Variants in REPS2 observed in about 807,000 individuals in gnomAD.
REPS2 encodes the protein ralBP1-associated Eps domain-containing protein 2.
REPS2 carries 23 observed loss-of-function variants against 53.6 expected under a neutral mutation model. That is an observed-to-expected ratio of 0.43 (90% CI 0.31 to 0.61). The LOEUF is 0.61. REPS2 is among the 20% of genes least tolerant of loss of function. REPS2 has a pLI of 0.11. For synonymous variants in REPS2, 238 were observed against 218.6 expected, an observed-to-expected ratio of 1.09 and a Z score of -0.78; for missense variants, 446 against 534.9, an observed-to-expected ratio of 0.83 and a Z score of 1.64.
rs188748092 is a variant in REPS2 at position 17,081,407 on chromosome X, C to T, written c.1516+4000C>T. Among the ~76,000 whole-genome samples, 149 of 112,420 alleles carry T rather than the reference C, an allele frequency of 1.3e-3. 1 individual carries two copies. In the Admixed American group the frequency reaches 0.014, roughly 10 times the overall value. On this transcript the variant is annotated intron_variant, in intron 13 of 17. Coordinates refer to ENST00000357277, the MANE Select transcript of REPS2 (RefSeq NM_004726.3). ...AACCAATGGAAGGAGAGTCCACAGA[C>T]TCTTGGTGTAGGATTCAAGCAGCAT...
chrX:17,170,587 A>G, the REPS2 span, among the ~76,000 whole-genome samples: 1 of 112,536 alleles, frequency 8.9e-6, no homozygotes, highest in East Asian at 2.8e-4. Flanking sequence ...TCTGGGATAC[A>G]TTGTTCCTTT....
chrX:17,070,254 C>G (rs1445343149), intron 11 of REPS2, among the ~76,000 whole-genome samples: 4 of 111,794 alleles, frequency 3.6e-5, no homozygotes, highest in African/African-American at 1.3e-4. Context: ...AATATAGGGT[C>G]TTGTTACTAA....
intron 13 of REPS2, among the ~76,000 whole-genome samples, chrX:17,083,013 A>G (rs1311348454): frequency 9.2e-6 from 1 of 108,915 alleles, no homozygotes; most frequent in Non-Finnish European, 1.9e-5. Context: ...TATTCAGGGT[A>G]TCTTTATGAC....
At chrX:17,098,310 T>C (rs754783275) in intron 13 of REPS2, among the ~76,000 whole-genome samples, 1 of 112,284 alleles carries the variant, frequency 8.9e-6, no homozygotes, top group Admixed American at 9.4e-5. Context: ...ACAGCTCTGA[T>C]TAAAATCCAA....
chrX:17,176,298 A>T, the REPS2 span, among the ~76,000 whole-genome samples: 7 of 111,262 alleles, frequency 6.3e-5, no homozygotes, highest in Non-Finnish European at 1.1e-4. Flanking sequence ...ACAATCCTCA[A>T]CTGGCTTTTA....
rs138078866 is a variant in REPS2 at position 17,031,774 on chromosome X, C to T, written c.771+2151C>T. On this transcript the variant is annotated intron_variant, in intron 5 of 17. Coordinates refer to ENST00000357277, the MANE Select transcript of REPS2 (RefSeq NM_004726.3). ...TTATCCAGGTGACAGGGTGGGAGTG[C>T]GGGAGCAAGGTGACAAGATGGAGGG... Among the ~76,000 whole-genome samples, 885 of 111,386 alleles carry T rather than the reference C, an allele frequency of 7.9e-3. 13 individuals are homozygous for T. Among genetic ancestry groups the T allele is most frequent in the African/African-American group, 0.028 (856 of 30,657 alleles).
chrX:16,955,153 G>T (rs1035914601), intron 1 of REPS2, among the ~76,000 whole-genome samples: 1 of 110,824 alleles, frequency 9.0e-6, no homozygotes, highest in Non-Finnish European at 1.9e-5. Context: ...CCTTTCCAGG[G>T]TTTTTCAAAC....
At chrX:17,012,713 G>A (rs774859251) in intron 2 of REPS2, among the ~76,000 whole-genome samples, 3 of 111,129 alleles carry the variant, frequency 2.7e-5, no homozygotes, top group Non-Finnish European at 5.7e-5. Context: ...TTTAGAATTA[G>A]GACAAAAGGA....
At chrX:17,027,178 T>C (rs748829087) in intron 4 of REPS2, among the ~76,000 whole-genome samples, 7 of 111,442 alleles carry the variant, frequency 6.3e-5, no homozygotes, top group Non-Finnish European at 1.1e-4. Flanking sequence ...ATTGAACATA[T>C]CCATTATGCC....
chrX:16,995,191 A>G (rs1036270322), intron 1 of REPS2, among the ~76,000 whole-genome samples: 1 of 112,159 alleles, frequency 8.9e-6, no homozygotes, highest in Non-Finnish European at 1.9e-5. Flanking sequence ...AGGCCAGGCA[A>G]TAGTGGGGCC....
At chrX:17,185,638 T>C in the REPS2 span, among the ~76,000 whole-genome samples, 1 of 111,978 alleles carries the variant, frequency 8.9e-6, no homozygotes, top group South Asian at 3.7e-4. Flanking sequence ...CACTCTGGAA[T>C]GCAACCACCA....
intron 14 of REPS2, among the ~76,000 whole-genome samples, chrX:17,128,464 C>T (rs971789136): frequency 1.8e-5 from 2 of 111,096 alleles, no homozygotes; most frequent in Non-Finnish European, 3.8e-5. Context: ...AAGAGGGTGG[C>T]TGTGAGTCCT....
chrX:17,087,923 TCGA>T (rs2062559557), intron 13 of REPS2, among the ~76,000 whole-genome samples: 2 of 88,561 alleles, frequency 2.3e-5, no homozygotes, highest in Middle Eastern at 5.0e-3. Flanking sequence ...TGAGACTCTG[TCGA>T]TAGATAGATA....
chrX:17,010,744 TTAATC>T (rs1274410704), intron 2 of REPS2, among the ~76,000 whole-genome samples: 1 of 111,492 alleles, frequency 9.0e-6, no homozygotes, highest in African/African-American at 3.3e-5. Flanking sequence ...CTGCCACTCT[TTAATC>T]TAAAACGATT....
intron 2 of REPS2, among the ~76,000 whole-genome samples, chrX:17,020,990 A>G (rs1164358910): frequency 8.9e-6 from 1 of 112,055 alleles, no homozygotes; most frequent in Non-Finnish European, 1.9e-5. Flanking sequence ...CATCATGTGG[A>G]TGTTAGAGAA....
intron 1 of REPS2, among the ~76,000 whole-genome samples, chrX:16,965,979 G>T (rs751955801): frequency 1.3e-3 from 150 of 112,543 alleles, no homozygotes; most frequent in Middle Eastern, 4.6e-3. Context: ...GCGTGGCGGC[G>T]CGCGCCTGCA....
At chrX:17,106,453 G>A (rs961801585) in intron 14 of REPS2, among the ~76,000 whole-genome samples, 40 of 103,996 alleles carry the variant, frequency 3.8e-4, no homozygotes, top group African/African-American at 1.3e-3. Flanking sequence ...TCGCACTATC[G>A]CCCAGGCTGG....
Position 16,946,724 on chromosome X carries a change from C to CGTGGGG in REPS2, c.-133_-128dup. On this transcript the variant is annotated 5_prime_UTR_variant, in exon 1 of 18. Coordinates refer to ENST00000357277, the MANE Select transcript of REPS2 (RefSeq NM_004726.3). ...AAGCGGCCGCGCGGCAGCTGCGGGG[C>CGTGGGG]GTGGGGGTGGTGGTGGCGGCGGCGG... 1 of 635,741 alleles carries CGTGGGG rather than the reference C, an allele frequency of 1.6e-6. No homozygotes were observed. The highest frequency in any genetic ancestry group is 1.8e-6 in the Non-Finnish European group (1 of 541,868). 52.4% of individuals were successfully genotyped at this position (635,741 alleles called of 1,213,427 possible). A position where few individuals can be genotyped will look rare whatever the true frequency, so the allele number is the denominator to read the frequency against.
At chrX:17,080,976 T>C (rs1320110873) in intron 13 of REPS2, among the ~76,000 whole-genome samples, 3 of 111,250 alleles carry the variant, frequency 2.7e-5, no homozygotes, top group Non-Finnish European at 5.7e-5. Context: ...CTGTTCCTTG[T>C]CCCTCCAGCC....
Sources: allele counts gnomAD v4.1 joint callset (sites outside exome capture counted in the v4.1 genomes callset), GRCh38; gene constraint gnomAD v4.1.1; transcripts MANE v1.5; gene names NCBI Gene and HGNC (gene_info 2026-07-23, HGNC 2026-07-21).